Variants in GABBR2 observed in about 807,000 individuals in gnomAD.
The protein encoded by GABBR2 is gamma-aminobutyric acid type B receptor subunit 2.
A neutral mutation model predicts 105.6 loss-of-function variants in GABBR2; 23 were observed. The ratio of observed to expected loss-of-function variants is 0.22; its 90% CI spans 0.16 to 0.31. The LOEUF is 0.31. GABBR2 is among the 10% of genes least tolerant of loss of function. GABBR2 has a pLI of 1.00. For synonymous variants in GABBR2, 478 were observed against 499.7 expected (o/e 0.96, Z 0.58); for missense variants, 734 against 1,245.5 (o/e 0.59, Z 6.18).
At chr9:98,517,526 C>T (rs1168397871) in intron 3 of GABBR2, among the ~76,000 whole-genome samples, 2 of 152,198 alleles carry the variant, frequency 1.3e-5, no homozygotes, top group Non-Finnish European at 2.9e-5. Context: ...GTAGAACCCT[C>T]ATAGTGACTC....
At chr9:98,410,506 T>G (rs1473126302) in intron 7 of GABBR2, among the ~76,000 whole-genome samples, 1 of 52,166 alleles carries the variant, frequency 1.9e-5, no homozygotes, top group South Asian at 4.8e-4. Flanking sequence ...AGGGAAAAGC[T>G]TTTTTTTTTT....
At chr9:98,526,983 C>T (rs1345323769) in intron 3 of GABBR2, among the ~76,000 whole-genome samples, 1 of 151,676 alleles carries the variant, frequency 6.6e-6, no homozygotes, top group Non-Finnish European at 1.5e-5. Flanking sequence ...AAGGACAAGA[C>T]AAGAATACCC....
chr9:98,320,857 T>C (rs534063926), intron 13 of GABBR2, among the ~76,000 whole-genome samples: 9 of 148,750 alleles, frequency 6.1e-5, no homozygotes, highest in African/African-American at 1.2e-4. Flanking sequence ...AGGGATAGCA[T>C]TGGGAGATAT....
chr9:98,452,231 GC>G (rs1826245308), intron 7 of GABBR2, among the ~76,000 whole-genome samples: 1 of 152,148 alleles, frequency 6.6e-6, no homozygotes, highest in Non-Finnish European at 1.5e-5. Flanking sequence ...GCCCCAGCCA[GC>G]TCAGCTTATC....
intron 10 of GABBR2, among the ~76,000 whole-genome samples, chr9:98,387,897 C>CA (rs920915347): frequency 6.6e-6 from 1 of 151,916 alleles, no homozygotes. Context: ...TCTCAAAAAC[C>CA]AAAAAAACTG....
chr9:98,303,193 G>A, intron 16 of GABBR2, 48 bp downstream of exon 16: 6 of 1,507,768 alleles, frequency 4.0e-6, no homozygotes, highest in Non-Finnish European at 5.5e-6. Context: ...GGGTTAGAGG[G>A]GCTTCAGTGG....
At chr9:98,435,474 A>G (rs2131578807) in intron 7 of GABBR2, among the ~76,000 whole-genome samples, 1 of 152,220 alleles carries the variant, frequency 6.6e-6, no homozygotes, top group African/African-American at 2.4e-5. Context: ...TATACCCAAT[A>G]TCACTGAGAT....
At chr9:98,614,315 G>A (rs1829548594) in intron 1 of GABBR2, among the ~76,000 whole-genome samples, 1 of 152,214 alleles carries the variant, frequency 6.6e-6, no homozygotes, top group South Asian at 2.1e-4. Flanking sequence ...CCTGAAGTCA[G>A]AAGTTCGAGA....
At chr9:98,659,562 C>T (rs111489340) in intron 1 of GABBR2, among the ~76,000 whole-genome samples, 45 of 139,064 alleles carry the variant, frequency 3.2e-4, no homozygotes, top group African/African-American at 1.1e-3. Context: ...TGCTCTATTG[C>T]CCAGGCTGGA....
chr9:98,298,191 A>G (rs74905792), intron 17 of GABBR2, among the ~76,000 whole-genome samples: 3,316 of 152,224 alleles, frequency 0.022, 117 homozygotes, highest in African/African-American at 0.076. Context: ...ACATGTATGC[A>G]TTTGTGTGTC....
chr9:98,544,067 G>A (rs1318051092), intron 2 of GABBR2, among the ~76,000 whole-genome samples: 1 of 133,686 alleles, frequency 7.5e-6, no homozygotes, highest in Non-Finnish European at 1.6e-5. Context: ...TCAAATCTTT[G>A]ATCCAGAGAG....
chr9:98,607,739 A>G, intron 1 of GABBR2: 4 of 774,050 alleles, frequency 5.2e-6, no homozygotes, highest in South Asian at 2.8e-5. Flanking sequence ...AATGTCCACT[A>G]TGAGAACTAC....
At chr9:98,557,839 T>C (rs1269843928) in intron 2 of GABBR2, among the ~76,000 whole-genome samples, 1 of 152,226 alleles carries the variant, frequency 6.6e-6, no homozygotes, top group East Asian at 1.9e-4. Context: ...CTAATTAAGT[T>C]AATAATACAA....
At chr9:98,410,981 A>G (rs1383789769) in intron 7 of GABBR2, among the ~76,000 whole-genome samples, 3 of 152,168 alleles carry the variant, frequency 2.0e-5, no homozygotes, top group Non-Finnish European at 4.4e-5. Flanking sequence ...CAGTTCCTGT[A>G]TGAAATCTCC....
chr9:98,554,273 A>C (rs1828543198), intron 2 of GABBR2, among the ~76,000 whole-genome samples: 1 of 152,070 alleles, frequency 6.6e-6, no homozygotes, highest in South Asian at 2.1e-4. Context: ...AGGTAAGAGG[A>C]CCGCTTGAGC....
chr9:98,696,046 G>T (rs1469036969), intron 1 of GABBR2, among the ~76,000 whole-genome samples: 1 of 152,204 alleles, frequency 6.6e-6, no homozygotes, highest in Non-Finnish European at 1.5e-5. Context: ...TGTGAAGCAG[G>T]AGGGAGACCA....
rs1268246484 is a variant in GABBR2 at position 98,288,849 on chromosome 9, T to G, written c.*1735A>C. ...CTTTGAAATGTTGGCATTGGTAAGATTCCTGTGGGCCCTTTTGTCAAAGCC... is the reference window on the plus strand; with the variant it reads ...CTTTGAAATGTTGGCATTGGTAAGAGTCCTGTGGGCCCTTTTGTCAAAGCC... On this transcript the variant is annotated 3_prime_UTR_variant, in exon 19 of 19. Coordinates refer to ENST00000259455, the MANE Select transcript of GABBR2 (RefSeq NM_005458.8). 1 of 152,640 alleles carries G rather than the reference T, an allele frequency of 6.6e-6. No homozygotes were observed. The highest frequency in any genetic ancestry group is 1.5e-5 in the Non-Finnish European group (1 of 68,046). 9.5% of individuals were successfully genotyped at this position (152,640 alleles called of 1,614,324 possible). A position where few individuals can be genotyped will look rare whatever the true frequency, so the allele number is the denominator to read the frequency against.
chr9:98,663,256 G>A (rs1290313887), intron 1 of GABBR2, among the ~76,000 whole-genome samples: 2 of 151,710 alleles, frequency 1.3e-5, no homozygotes, highest in African/African-American at 4.9e-5. Context: ...AGGCAGGGGT[G>A]GGGTGGGGTG....
chr9:98,541,144 C>T (rs1828296209), intron 3 of GABBR2, among the ~76,000 whole-genome samples: 1 of 152,160 alleles, frequency 6.6e-6, no homozygotes, highest in Non-Finnish European at 1.5e-5. Context: ...TCCCTTTAAA[C>T]CATGAGGTTA....
Sources: allele counts gnomAD v4.1 joint callset (sites outside exome capture counted in the v4.1 genomes callset), GRCh38; gene constraint gnomAD v4.1.1; transcripts MANE v1.5; gene names NCBI Gene and HGNC (gene_info 2026-07-23, HGNC 2026-07-21).